The following JHY variants were observed in gnomAD, a reference collection of about 807,000 sequenced individuals.
JHY encodes jhy protein homolog.
In JHY, 69 loss-of-function variants were observed where a neutral mutation model predicts 78.0. The observed-to-expected ratio is 0.88, with a 90% CI of 0.73 to 1.08. JHY has a LOEUF of 1.08. JHY is among the 50% of genes least tolerant of loss of function. The probability of loss-of-function intolerance (pLI) is 0.00; values close to 1 mark genes in which losing one functional copy is unlikely to be tolerated. For missense variants in JHY, 944 were observed against 927.8 expected (o/e 1.02, Z -0.23); for synonymous variants, 368 against 342.6 (o/e 1.07, Z -0.82).
chr11:122,886,598 T>A (rs960502443), intron 2 of JHY, among the ~76,000 whole-genome samples: 6 of 152,126 alleles, frequency 3.9e-5, no homozygotes, highest in Admixed American at 2.6e-4. Flanking sequence ...TTTATTTTTT[T>A]AAAAATTTTA....
chr11:122,951,790 AGT>A (rs1286556041), intron 6 of JHY, among the ~76,000 whole-genome samples: 1 of 152,196 alleles, frequency 6.6e-6, no homozygotes, highest in Non-Finnish European at 1.5e-5. Context: ...AAAGCAATCA[AGT>A]GTGAACACCA....
At chr11:122,925,975 C>A (rs1341350674) in intron 4 of JHY, among the ~76,000 whole-genome samples, 1 of 151,778 alleles carries the variant, frequency 6.6e-6, no homozygotes, top group Non-Finnish European at 1.5e-5. Flanking sequence ...CAAGATCATG[C>A]CACTGCGTTC....
At position 122,934,538 on chromosome 11, in the gene JHY, T is replaced by G; in HGVS notation, c.1097T>G (p.Ile366Ser). 1 of 1,613,962 alleles carries G rather than the reference T, an allele frequency of 6.2e-7. No homozygotes were observed. The highest frequency in any genetic ancestry group is 8.5e-7 in the Non-Finnish European group (1 of 1,180,012). Reference protein sequence around the residue: ...QPSRRPAKLKIRKQCKHQNGL... With the variant: ...QPSRRPAKLKSRKQCKHQNGL... ...TCCAGAAGACCAGCCAAGCTCAAGA[T>G]TCGAAAGCAGTGTAAACACCAGAAT... The change falls in exon 5 of 9, where the codon ATT becomes AGT. Residue 366 changes from isoleucine (I) to serine (S), a missense_variant. Transcript: ENST00000227349.
intron 3 of JHY, among the ~76,000 whole-genome samples, chr11:122,921,682 G>A (rs1863369705): frequency 6.6e-6 from 1 of 152,094 alleles, no homozygotes; most frequent in Admixed American, 6.5e-5. Flanking sequence ...ACTGTGAGAG[G>A]GACTGAGATA....
At chr11:122,912,311 C>G (rs1353947572) in intron 3 of JHY, among the ~76,000 whole-genome samples, 5 of 146,574 alleles carry the variant, frequency 3.4e-5, no homozygotes, top group Non-Finnish European at 7.5e-5. Context: ...AAAGGTTAAA[C>G]TGGGATGTCT....
chr11:122,943,223 G>T (rs531854318), intron 5 of JHY, among the ~76,000 whole-genome samples: 2 of 152,256 alleles, frequency 1.3e-5, no homozygotes, highest in South Asian at 4.2e-4. Context: ...TGGATGATCA[G>T]TTATTTGGAA....
chr11:122,919,687 A>G (rs1863316976), intron 3 of JHY, among the ~76,000 whole-genome samples: 1 of 152,162 alleles, frequency 6.6e-6, no homozygotes, highest in African/African-American at 2.4e-5. Context: ...AATATATTCA[A>G]AAGTTTCGTG....
At chr11:122,922,626 C>G (rs773960008) in intron 3 of JHY, among the ~76,000 whole-genome samples, 2 of 151,546 alleles carry the variant, frequency 1.3e-5, no homozygotes, top group Non-Finnish European at 1.5e-5. Flanking sequence ...CTGGCTAACA[C>G]GGTGAAACCC....
At chr11:122,915,332 G>T (rs535316352) in intron 3 of JHY, among the ~76,000 whole-genome samples, 1 of 152,062 alleles carries the variant, frequency 6.6e-6, no homozygotes, top group African/African-American at 2.4e-5. Flanking sequence ...GGCAGAATGG[G>T]AAGCAGACAT....
At chr11:122,926,200 A>AG (rs1555054812) in intron 4 of JHY, among the ~76,000 whole-genome samples, 2 of 90,382 alleles carry the variant, frequency 2.2e-5, no homozygotes, top group African/African-American at 6.2e-5. Context: ...AAAAAAAAAA[A>AG]AAAAAAGAAA....
In JHY at chr11:122,917,288, C is replaced by A. The variant is rs1343382513; in HGVS notation, c.865-7609C>A. On this transcript the variant is annotated intron_variant, in intron 3 of 8. Coordinates refer to ENST00000227349, the MANE Select transcript of JHY (RefSeq NM_024806.4). The surrounding 1 kb of genome is among the most constrained non-coding windows in gnomAD (Gnocchi z 4.1). ...GGATATCTTCAAGACTAGAAAATGT[C>A]ACTTCATCCAGTGAGTTAGTTAAGG... is the stretch of plus-strand genomic sequence containing the variant. Among the ~76,000 whole-genome samples, 1 of 152,152 alleles carries A rather than the reference C, an allele frequency of 6.6e-6. No homozygotes were observed. The highest frequency in any genetic ancestry group is 1.5e-5 in the Non-Finnish European group (1 of 68,030).
intron 3 of JHY, among the ~76,000 whole-genome samples, chr11:122,922,809 C>CAAAAAAAAAAAAAAAAAAAA (rs571482464): frequency 6.8e-5 from 3 of 44,350 alleles, no homozygotes; most frequent in African/African-American, 1.4e-4. Flanking sequence ...GACTCCGTCT[C>CAAAAAAAAAAAAAAAAAAAA]AAAAAAAAAA....
At chr11:122,946,463 A>G (rs1863961209) in intron 5 of JHY, 35 bp from the exon 6 acceptor site, 1 of 1,535,964 alleles carries the variant, frequency 6.5e-7, no homozygotes, top group Admixed American at 2.2e-5. Context: ...TTTGGATTTT[A>G]TTAATAGATT....
chr11:122,885,681 A>G (rs907337541), intron 1 of JHY, 80 bp from the exon 2 acceptor site: 18 of 587,062 alleles, frequency 3.1e-5, no homozygotes, highest in Non-Finnish European at 4.7e-5. Flanking sequence ...AGGTTCTCTT[A>G]CTCATTTAAA....
intron 2 of JHY, among the ~76,000 whole-genome samples, chr11:122,890,479 A>G (rs1862589359): frequency 1.3e-5 from 2 of 152,198 alleles, no homozygotes; most frequent in African/African-American, 4.8e-5. Flanking sequence ...TTTTAGTTAT[A>G]GAAATGGGGC....
chr11:122,904,760 C>T (rs1211830943), intron 3 of JHY, among the ~76,000 whole-genome samples: 1 of 152,116 alleles, frequency 6.6e-6, no homozygotes, highest in Admixed American at 6.5e-5. Flanking sequence ...TTATTATATC[C>T]GAAATTCTCC....
chr11:122,948,793 C>G (rs1327633413), intron 6 of JHY, among the ~76,000 whole-genome samples: 2 of 151,858 alleles, frequency 1.3e-5, no homozygotes, highest in Non-Finnish European at 2.9e-5. Context: ...GCAAAGAAGA[C>G]TGCAAGAGCA....
rs1864175379 is a variant in JHY, at chr11:122,955,662, A to T, written c.1930-834A>T. ...ATATCTGAAATCACACTGAATGAAC[A>T]ATATGAGTTTCTTAGTGAGTCTTGC... On this transcript the variant is annotated intron_variant, in intron 6 of 8. Transcript: ENST00000227349. 1.3e-5 allele frequency among the ~76,000 whole-genome samples: 2 copies of T among 152,190 alleles called. 1 individual carries two copies. The highest frequency in any genetic ancestry group is 4.1e-4 in the South Asian group (2 of 4,832).
At chr11:122,947,859 G>T (rs559210720) in intron 6 of JHY, among the ~76,000 whole-genome samples, 3 of 152,192 alleles carry the variant, frequency 2.0e-5, no homozygotes, top group Non-Finnish European at 1.5e-5. Flanking sequence ...CCAAGGTTCT[G>T]AGGGTTCTAA....
Sources: allele counts gnomAD v4.1 joint callset (sites outside exome capture counted in the v4.1 genomes callset), GRCh38; gene constraint gnomAD v4.1.1; non-coding constraint Gnocchi (gnomAD v3.1); transcripts MANE v1.5; gene names NCBI Gene and HGNC (gene_info 2026-07-23, HGNC 2026-07-21).